ABCB1: variants seen among roughly 807,000 people sequenced by gnomAD.
ABCB1 encodes ATP binding cassette subfamily B member 1, also known as ATP-dependent translocase ABCB1.
A neutral mutation model predicts 142.0 loss-of-function variants in ABCB1; 69 were observed. That is an observed-to-expected ratio of 0.49 (90% CI 0.40 to 0.59). ABCB1 has a LOEUF of 0.59. Among genes scored for constraint, ABCB1 ranks in the 20% least tolerant of loss-of-function variants. The probability of loss-of-function intolerance (pLI) is 0.00; values close to 1 mark genes in which losing one functional copy is unlikely to be tolerated. For missense variants in ABCB1, 1,326 were observed against 1,554.7 expected, an observed-to-expected ratio of 0.85 and a Z score of 2.47; for synonymous variants, 532 against 539.2, an observed-to-expected ratio of 0.99 and a Z score of 0.18.
chr7:87,610,500 C>T lies in ABCB1; in HGVS notation c.-330-9422G>A, dbSNP rs1226824423. ...CCTCTTTCAAGTGTTCATCCTGCTTCAGGCTCCCAAAATGCTGAGATTACA... is the reference window on the plus strand; with the variant it reads ...CCTCTTTCAAGTGTTCATCCTGCTTTAGGCTCCCAAAATGCTGAGATTACA... On this transcript the variant is annotated intron_variant, in intron 1 of 28. Transcript: ENST00000265724. 2.1e-5 allele frequency among the ~76,000 whole-genome samples: 3 copies of T among 145,680 alleles called. No homozygotes were observed. The East Asian group carries it at 6.3e-4, about 31-fold the overall frequency.
At chr7:87,504,494 C>T (rs200855885) in intron 27 of ABCB1, 45 bp from the exon 28 acceptor site, 3 of 1,607,900 alleles carry the variant, frequency 1.9e-6, no homozygotes, top group Non-Finnish European at 2.5e-6. Flanking sequence ...AGTTCTTTTC[C>T]CTAATTCCTC....
Position 87,530,790 on chromosome 7 carries a change from A to C in ABCB1, c.2685+504T>G, listed in dbSNP as rs929815734. ...AATGGATTTAAGCTTGAAAGAAAAG[A>C]AAGAAAGCAAGAAAGCAAGAAAGCA... On this transcript the variant is annotated intron_variant, in intron 21 of 27. Coordinates refer to ENST00000622132, the MANE Select transcript of ABCB1 (RefSeq NM_001348946.2). 2.3e-3 allele frequency among the ~76,000 whole-genome samples: 269 copies of C among 118,336 alleles called. 1 individual carries two copies. Among genetic ancestry groups the C allele is most frequent in the Admixed American group, 3.4e-3 (35 of 10,416 alleles). 77.6% of individuals were successfully genotyped at this position (118,336 alleles called of 152,430 possible). A position where few individuals can be genotyped will look rare whatever the true frequency, so the allele number is the denominator to read the frequency against.
At chr7:87,652,503 G>C (rs1157862349) in intron 1 of ABCB1, among the ~76,000 whole-genome samples, 1 of 151,792 alleles carries the variant, frequency 6.6e-6, no homozygotes, top group Non-Finnish European at 1.5e-5. Context: ...TTATGGATAA[G>C]AATTCTACTT....
intron 1 of ABCB1, among the ~76,000 whole-genome samples, chr7:87,630,700 T>C (rs958134821): frequency 1.3e-5 from 2 of 151,826 alleles, no homozygotes; most frequent in Non-Finnish European, 2.9e-5. Context: ...TTTTTTTTTT[T>C]TCTTTCAAAT....
chr7:87,526,358 T>C (rs1815783438), intron 21 of ABCB1, among the ~76,000 whole-genome samples: 1 of 151,956 alleles, frequency 6.6e-6, no homozygotes, highest in South Asian at 2.1e-4. Context: ...TTCTGTAGAG[T>C]ACCATGTGCT....
At chr7:87,575,528 G>A (rs1203300150) in intron 4 of ABCB1, among the ~76,000 whole-genome samples, 4 of 149,638 alleles carry the variant, frequency 2.7e-5, no homozygotes, top group Non-Finnish European at 4.5e-5. Flanking sequence ...AGGAACTTCC[G>A]TTTTTTTTTC....
chr7:87,529,464 ATGTATCACATCCC>A (rs1004349826), intron 21 of ABCB1, among the ~76,000 whole-genome samples: 3 of 152,148 alleles, frequency 2.0e-5, no homozygotes, highest in African/African-American at 4.8e-5. Context: ...GAATTAGAAA[ATGTATCACATCCC>A]TGACCTTTGC....
chr7:87,632,668 A>G (rs948891004), intron 1 of ABCB1, among the ~76,000 whole-genome samples: 5 of 152,034 alleles, frequency 3.3e-5, no homozygotes, highest in Admixed American at 2.6e-4. Context: ...TTTAACTTGC[A>G]TTTTTATCCA....
rs1563026613 is a variant in ABCB1 at position 87,509,514 on chromosome 7, A to G, written c.3283-33T>C. The G allele has an allele frequency of 1.9e-6, 3 of 1,599,664 alleles. No homozygotes were observed. In the South Asian group the frequency reaches 3.3e-5, roughly 18 times the overall value. On this transcript the variant is annotated intron_variant, in intron 25 of 27. Transcript: ENST00000622132. The stretch of plus-strand genomic sequence containing the variant: ...CAAGAGTTCACAGATCAACTTCAGG[A>G]CCAGCACACTTTGAATGTAGCACAA...
Position 87,544,874 on chromosome 7 carries a change from A to T in ABCB1, c.2013T>A (p.Ser671Arg). The T allele has an allele frequency of 1.2e-6, 2 of 1,613,998 alleles. No homozygotes were observed. The highest frequency in any genetic ancestry group is 1.7e-6 in the Non-Finnish European group (2 of 1,179,996). ...SLIRKRSTRR[S>R]VRGSQAQDRK... ...TGTCTTGGGCTTGTGATCCACGGAC[A>T]CTCCTACGAGTTGATCTTTTTCTTA... Residue 671 changes from serine to arginine, a missense_variant, in exon 16 of 28, where the codon AGT becomes AGA. Transcript: ENST00000622132.
intron 1 of ABCB1, among the ~76,000 whole-genome samples, chr7:87,697,033 C>A (rs1163001897): frequency 6.6e-6 from 1 of 152,154 alleles, no homozygotes; most frequent in Non-Finnish European, 1.5e-5. Flanking sequence ...AAACATCCTA[C>A]AAGTTATTTT....
intron 1 of ABCB1, among the ~76,000 whole-genome samples, chr7:87,700,265 C>A (rs1828906245): frequency 6.6e-6 from 1 of 152,098 alleles, no homozygotes. Context: ...TAGAATAGGA[C>A]TAGATTTGAG....
chr7:87,512,111 C>A (rs556717031), intron 25 of ABCB1, among the ~76,000 whole-genome samples: 10 of 151,756 alleles, frequency 6.6e-5, no homozygotes, highest in Admixed American at 5.9e-4. Flanking sequence ...AATCTTTAAG[C>A]TTCCAGTATT....
chr7:87,622,845 A>C (rs1820273620), intron 1 of ABCB1, among the ~76,000 whole-genome samples: 1 of 152,130 alleles, frequency 6.6e-6, no homozygotes, highest in South Asian at 2.1e-4. Flanking sequence ...AATCTGGGCA[A>C]CATAGTGAGA....
At chr7:87,639,461 A>G (rs1584970269) in intron 1 of ABCB1, among the ~76,000 whole-genome samples, 1 of 152,084 alleles carries the variant, frequency 6.6e-6, no homozygotes, top group Non-Finnish European at 1.5e-5. Flanking sequence ...TGTTTTTTGT[A>G]TACTCTTTAG....
At position 87,532,928 on chromosome 7, in the gene ABCB1, C is replaced by G. The variant is rs28381964; in HGVS notation, c.2482-1431G>C. Among the ~76,000 whole-genome samples the G allele has an allele frequency of 2.4e-3, 370 of 152,218 alleles. 4 individuals carry two copies. The highest frequency in any genetic ancestry group is 8.5e-3 in the African/African-American group (355 of 41,546). On this transcript the variant is annotated intron_variant, in intron 20 of 27. Coordinates refer to ENST00000622132, the MANE Select transcript of ABCB1 (RefSeq NM_001348946.2). ...TAATCCCTACAAAATCATTTAACACCTGTCTGATATAAACACCAGACTAGT... is the reference window on the plus strand; with the variant it reads ...TAATCCCTACAAAATCATTTAACACGTGTCTGATATAAACACCAGACTAGT...
At chr7:87,563,306 C>A in intron 7 of ABCB1, 1 of 435,184 alleles carries the variant, frequency 2.3e-6, no homozygotes, top group Non-Finnish European at 4.6e-6. Flanking sequence ...CTCTCTGACC[C>A]ATTCTATGAG....
chr7:87,538,343 G>C (rs771469435), intron 19 of ABCB1, among the ~76,000 whole-genome samples: 11 of 152,180 alleles, frequency 7.2e-5, no homozygotes, highest in Non-Finnish European at 1.3e-4. Flanking sequence ...CTTAGATTCA[G>C]TCCTGGCTCT....
At chr7:87,585,417 C>A (rs1584902216) in intron 4 of ABCB1, 95 bp downstream of exon 4, 1 of 1,274,678 alleles carries the variant, frequency 7.8e-7, no homozygotes, top group East Asian at 2.4e-5. Context: ...ACTAAACACA[C>A]TAATGTGTAT....
Sources: gnomAD v4.1 joint callset for allele counts (sites outside exome capture counted in the v4.1 genomes callset) on GRCh38, gnomAD v4.1.1 for gene constraint, MANE v1.5 for transcripts, NCBI Gene and HGNC (gene_info 2026-07-23, HGNC 2026-07-21) for gene names.